Variants in ATXN1 observed in about 807,000 individuals in gnomAD.
ATXN1 encodes the protein ataxin-1.
ATXN1 carries 8 observed loss-of-function variants against 56.4 expected under a neutral mutation model. That is an observed-to-expected ratio of 0.14 (90% CI 0.08 to 0.26). The LOEUF is 0.26. ATXN1 is among the 10% of genes least tolerant of loss of function. ATXN1 has a pLI of 1.00. For missense variants in ATXN1, 987 were observed against 1,106.5 expected (o/e 0.89, Z 1.53); for synonymous variants, 514 against 494.6 (o/e 1.04, Z -0.52).
chr6:16,302,535 C>G lies in ATXN1; in HGVS notation c.*3794G>C, dbSNP rs1760133637. On this transcript the variant is annotated 3_prime_UTR_variant, in exon 8 of 8. Transcript: ENST00000436367. ...GTGGCATCCATCTCTGTATCCCTCC[C>G]TCCCCCCTCTGCCCCAGTGTGGCCC... 1 of 152,622 alleles carries G rather than the reference C, an allele frequency of 6.6e-6. No individual in the cohort carries two copies. Among genetic ancestry groups the G allele is most frequent in the Non-Finnish European group, 1.5e-5 (1 of 68,038 alleles). The allele number at this position is 152,622 out of a possible 1,614,324, so 9.5% of individuals were successfully genotyped here.
At chr6:16,576,136 C>A (rs994971246) in intron 4 of ATXN1, among the ~76,000 whole-genome samples, 3 of 151,716 alleles carry the variant, frequency 2.0e-5, no homozygotes, top group Non-Finnish European at 2.9e-5. Flanking sequence ...TGTCTTAATC[C>A]AGTCTTCAAA....
intron 3 of ATXN1, among the ~76,000 whole-genome samples, chr6:16,599,925 T>A (rs969248616): frequency 2.0e-4 from 31 of 152,198 alleles, no homozygotes; most frequent in African/African-American, 7.5e-4. Context: ...CAGTGTTCAC[T>A]GCTGTAGTGT....
intron 4 of ATXN1, among the ~76,000 whole-genome samples, chr6:16,573,917 C>G (rs759369267): frequency 4.6e-5 from 7 of 152,214 alleles, no homozygotes; most frequent in Non-Finnish European, 8.8e-5. Flanking sequence ...TTTCTCATTC[C>G]TCTTCTGAAC....
In ATXN1 at chr6:16,327,505, T is replaced by C. The variant is rs1227292255; in HGVS notation, c.806A>G (p.His269Arg). Residue 269 changes from histidine to arginine, a missense_variant, in exon 7 of 8, where the codon CAC becomes CGC. His to Arg is a conservative substitution (Grantham distance 29). Transcript: ENST00000436367. ...RTASPPAIPV[H>R]LHPHQTMIPH... ...GATCATCGTCTGGTGGGGGTGGAGGTGGACGGGGATGGCCGGAGGAGAGGC... is the reference window on the plus strand; with the variant it reads ...GATCATCGTCTGGTGGGGGTGGAGGCGGACGGGGATGGCCGGAGGAGAGGC... 1 of 1,609,964 alleles carries C rather than the reference T, an allele frequency of 6.2e-7. No individual in the cohort carries two copies. The highest frequency in any genetic ancestry group is 8.5e-7 in the Non-Finnish European group (1 of 1,179,090).
chr6:16,642,869 T>C (rs1180514639), intron 3 of ATXN1, among the ~76,000 whole-genome samples: 1 of 152,254 alleles, frequency 6.6e-6, no homozygotes, highest in Non-Finnish European at 1.5e-5. Flanking sequence ...TAATAGACTA[T>C]AGTATGGTGT....
At chr6:16,503,523 C>A (rs1426260510) in intron 5 of ATXN1, among the ~76,000 whole-genome samples, 2 of 152,184 alleles carry the variant, frequency 1.3e-5, no homozygotes, top group African/African-American at 2.4e-5. Context: ...CTCTGCACAG[C>A]TGGACACAGT....
At chr6:16,745,665 T>C (rs1334016528) in intron 2 of ATXN1, among the ~76,000 whole-genome samples, 1 of 152,204 alleles carries the variant, frequency 6.6e-6, no homozygotes, top group African/African-American at 2.4e-5. Context: ...CACTCTTTTC[T>C]GTAGAGCAGA....
At chr6:16,367,770 C>A (rs1278202628) in intron 6 of ATXN1, among the ~76,000 whole-genome samples, 2 of 152,072 alleles carry the variant, frequency 1.3e-5, no homozygotes, top group Non-Finnish European at 2.9e-5. Flanking sequence ...TATGCCTAGA[C>A]TAAATTCTTG....
chr6:16,633,061 A>C (rs959292305), intron 3 of ATXN1, among the ~76,000 whole-genome samples: 2 of 152,208 alleles, frequency 1.3e-5, no homozygotes, highest in African/African-American at 4.8e-5. Flanking sequence ...TTGGAGTTTA[A>C]GGGAAAAGCA....
intron 3 of ATXN1, among the ~76,000 whole-genome samples, chr6:16,633,747 C>T (rs1352601268): frequency 4.6e-5 from 7 of 152,104 alleles, no homozygotes; most frequent in Non-Finnish European, 7.4e-5. Flanking sequence ...ACCAAGGCTC[C>T]GAGCTAATTA....
chr6:16,613,594 A>G (rs1763153404), intron 3 of ATXN1, among the ~76,000 whole-genome samples: 1 of 152,064 alleles, frequency 6.6e-6, no homozygotes, highest in African/African-American at 2.4e-5. Flanking sequence ...TGGGAGGCTG[A>G]GGCAGGATTG....
chr6:16,392,147 C>T (rs888302243), intron 6 of ATXN1, among the ~76,000 whole-genome samples: 15 of 152,222 alleles, frequency 9.9e-5, no homozygotes, highest in African/African-American at 2.7e-4. Context: ...AGAAATGGCA[C>T]TAGCCAGTGA....
At chr6:16,737,105 A>G (rs1229678822) in intron 2 of ATXN1, 2 of 152,228 alleles carry the variant, frequency 1.3e-5, no homozygotes, top group Non-Finnish European at 2.9e-5. Flanking sequence ...CTCTCACACA[A>G]AAGAGAGCAA....
intron 6 of ATXN1, among the ~76,000 whole-genome samples, chr6:16,374,344 T>G (rs1278609114): frequency 7.2e-5 from 11 of 152,202 alleles, no homozygotes; most frequent in Admixed American, 7.2e-4. Context: ...AAAACCATAG[T>G]TTAAGCCTGC....
At chr6:16,475,341 TACA>T (rs1760304616) in intron 6 of ATXN1, among the ~76,000 whole-genome samples, 1 of 152,344 alleles carries the variant, frequency 6.6e-6, no homozygotes, top group African/African-American at 2.4e-5. Context: ...GAAATGTCTC[TACA>T]ACAAAGAGAT....
chr6:16,719,638 G>A (rs1313249815), intron 2 of ATXN1, among the ~76,000 whole-genome samples: 1 of 152,112 alleles, frequency 6.6e-6, no homozygotes, highest in Non-Finnish European at 1.5e-5. Flanking sequence ...TAGGCTCTCC[G>A]GATGGTCACA....
chr6:16,383,732 C>A (rs1198712320), intron 6 of ATXN1, among the ~76,000 whole-genome samples: 1 of 152,120 alleles, frequency 6.6e-6, no homozygotes, highest in African/African-American at 2.4e-5. Context: ...AATGGAGGAA[C>A]GAGGACATTA....
chr6:16,521,099 G>A (rs1243030034), intron 5 of ATXN1, among the ~76,000 whole-genome samples: 2 of 152,146 alleles, frequency 1.3e-5, no homozygotes, highest in Middle Eastern at 3.4e-3. Flanking sequence ...AACACAATTT[G>A]AAGCCAGATT....
At chr6:16,745,515 C>T (rs1760501803) in intron 2 of ATXN1, among the ~76,000 whole-genome samples, 1 of 152,074 alleles carries the variant, frequency 6.6e-6, no homozygotes, top group African/African-American at 2.4e-5. Flanking sequence ...AAAAACAACA[C>T]ATAAAAATGA....
Sources: gnomAD v4.1 joint callset for allele counts (sites outside exome capture counted in the v4.1 genomes callset) on GRCh38, gnomAD v4.1.1 for gene constraint, MANE v1.5 for transcripts, NCBI Gene and HGNC (gene_info 2026-07-23, HGNC 2026-07-21) for gene names.